The following GDPGP1 variants were observed in gnomAD, a reference collection of about 807,000 sequenced individuals.
The protein encoded by GDPGP1 is GDP-D-glucose phosphorylase C15orf58.
GDPGP1 carries 18 observed loss-of-function variants against 19.2 expected under a neutral mutation model. That is an observed-to-expected ratio of 0.94 (90% CI 0.65 to 1.39). GDPGP1 has a LOEUF of 1.39. Among genes scored for constraint, GDPGP1 ranks in the 40% most tolerant of loss-of-function variants. The pLI, the probability that GDPGP1 is intolerant of heterozygous loss-of-function variation, is 0.00. For missense variants in GDPGP1, 449 were observed against 490.5 expected (o/e 0.92, Z 0.80); for synonymous variants, 219 against 208.9 (o/e 1.05, Z -0.42).
Position 90,236,778 on chromosome 15 carries a change from C to T in GDPGP1, c.-66-1714C>T, listed in dbSNP as rs552424690. Among the ~76,000 whole-genome samples, 315 of 151,830 alleles carry T rather than the reference C, an allele frequency of 2.1e-3. 2 individuals are homozygous for T. Among genetic ancestry groups the T allele is most frequent in the African/African-American group, 7.2e-3 (299 of 41,396 alleles). Reference sequence around the variant, plus strand: ...GTCTCGATCTCCTGATCTCTTGATCCGCCTCCCTCAGCCTCCCAAAGTGCT... The same window carrying T: ...GTCTCGATCTCCTGATCTCTTGATCTGCCTCCCTCAGCCTCCCAAAGTGCT... On this transcript the variant is annotated intron_variant, in intron 2 of 3. Transcript: ENST00000329600.
At chr15:90,239,295 G>T (rs58746156) in intron 3 of GDPGP1, among the ~76,000 whole-genome samples, 9,761 of 142,236 alleles carry the variant, frequency 0.069, 836 homozygotes, top group East Asian at 0.4. Context: ...TGATCTATAT[G>T]AGACATAAAA....
Position 90,241,019 on chromosome 15 carries a change from G to T in GDPGP1, c.111G>T (p.Met37Ile), listed in dbSNP as rs747292977. Residue 37 changes from methionine (M) to isoleucine (I), a missense_variant, in exon 4 of 4, where the codon ATG becomes ATT. Coordinates refer to ENST00000329600, the MANE Select transcript of GDPGP1 (RefSeq NM_001013657.3). The part of the protein sequence containing the change: ...PDFVYGQKDL[M>I]AEGIQWPRNA... ...TTGTTTATGGGCAGAAGGATCTCAT[G>T]GCAGAAGGGATTCAGTGGCCAAGGA... The T allele has an allele frequency of 1.2e-6, 2 of 1,614,044 alleles. No homozygotes were observed. Among genetic ancestry groups the T allele is most frequent in the East Asian group, 2.2e-5 (1 of 44,878 alleles).
At chr15:90,237,956 T>G (rs908849494) in intron 2 of GDPGP1, among the ~76,000 whole-genome samples, 3 of 152,166 alleles carry the variant, frequency 2.0e-5, no homozygotes, top group Non-Finnish European at 4.4e-5. Flanking sequence ...ACTTTTTTGT[T>G]GTTGTTGTCT....
At chr15:90,237,461 T>G (rs1414384598) in intron 2 of GDPGP1, among the ~76,000 whole-genome samples, 3 of 151,734 alleles carry the variant, frequency 2.0e-5, no homozygotes, top group Non-Finnish European at 2.9e-5. Context: ...AATTTTTGTA[T>G]TTTTAGTAGA....
chr15:90,240,824 AT>A (rs139704605), intron 3 of GDPGP1, 75 bp from the exon 4 acceptor site: 14,099 of 873,854 alleles, frequency 0.016, 46 homozygotes, highest in South Asian at 0.037. Context: ...AAAAAAAAAA[AT>A]AAATAAATAA....
At position 90,242,130 on chromosome 15, in the gene GDPGP1, C is replaced by T. The variant is rs1464462043; in HGVS notation, c.*64C>T. ...TTGAGATAGGGTCTCACTCTGTCCC[C>T]AGGCTAGAGTGTAGTGGTATGATCC... On this transcript the variant is annotated 3_prime_UTR_variant, in exon 4 of 4. Coordinates refer to ENST00000329600, the MANE Select transcript of GDPGP1 (RefSeq NM_001013657.3). 7.5e-7 allele frequency: 1 copy of T among 1,336,700 alleles called. No homozygotes were observed. Among genetic ancestry groups the T allele is most frequent in the African/African-American group, 1.5e-5 (1 of 68,544 alleles). 82.8% of individuals were successfully genotyped at this position (1,336,700 alleles called of 1,614,324 possible). A position where few individuals can be genotyped will look rare whatever the true frequency, so the allele number is the denominator to read the frequency against.
Sources: allele counts gnomAD v4.1 joint callset (sites outside exome capture counted in the v4.1 genomes callset), GRCh38; gene constraint gnomAD v4.1.1; transcripts MANE v1.5; gene names NCBI Gene and HGNC (gene_info 2026-07-23, HGNC 2026-07-21).